SDK1: variants seen among roughly 807,000 people sequenced by gnomAD.
The protein encoded by SDK1 is protein sidekick-1.
SDK1 carries 157 observed loss-of-function variants against 245.5 expected under a neutral mutation model. The ratio of observed to expected loss-of-function variants is 0.64; its 90% CI spans 0.56 to 0.73. The LOEUF (loss-of-function observed/expected upper bound fraction) is 0.73. SDK1 is among the 30% of genes least tolerant of loss of function. SDK1 has a pLI of 0.00. For missense variants in SDK1, 3,583 were observed against 3,002.3 expected (o/e 1.19, Z -4.52); for synonymous variants, 1,647 against 1,278.5 (o/e 1.29, Z -6.15).
chr7:3,621,201 A>T (rs1326100799), intron 2 of SDK1, among the ~76,000 whole-genome samples: 1 of 152,308 alleles, frequency 6.6e-6, no homozygotes, highest in East Asian at 1.9e-4. Flanking sequence ...GAAGGGGTGT[A>T]AGAAAGCAGA....
chr7:3,763,460 A>ACATCTT (rs1255946567), intron 4 of SDK1, among the ~76,000 whole-genome samples: 15 of 152,158 alleles, frequency 9.9e-5, no homozygotes, highest in Non-Finnish European at 2.2e-4. Context: ...TCGCATCTAT[A>ACATCTT]CATCTTCATG....
At chr7:4,092,729 G>A (rs1023804192) in intron 22 of SDK1, among the ~76,000 whole-genome samples, 1 of 152,118 alleles carries the variant, frequency 6.6e-6, no homozygotes, top group Non-Finnish European at 1.5e-5. Flanking sequence ...AGGTCTGCTG[G>A]GGCGCCGGGA....
In SDK1 at chr7:4,052,178, C is replaced by G. The variant is rs966447210; in HGVS notation, c.2911+348C>G. 4.9e-3 allele frequency among the ~76,000 whole-genome samples: 690 copies of G among 139,688 alleles called. 9 individuals carry two copies. The highest frequency in any genetic ancestry group is 6.5e-3 in the South Asian group (26 of 3,974). The allele number at this position is 139,688 out of a possible 152,430, so 91.6% of individuals were successfully genotyped here. On this transcript the variant is annotated intron_variant, in intron 19 of 44. Transcript: ENST00000404826. Reference sequence around the variant, plus strand: ...CACCTGCTTCCATGATCCCCCCCCCCCCGACGTCCCCCAGCCCATTCTTTC... The same window carrying G: ...CACCTGCTTCCATGATCCCCCCCCCGCCGACGTCCCCCAGCCCATTCTTTC...
In SDK1 at chr7:3,641,979, C is replaced by T. The variant is rs755048901; in HGVS notation, c.587C>T (p.Thr196Met). The T allele has an allele frequency of 1.6e-5, 26 of 1,613,370 alleles. No individual in the cohort carries two copies. Among genetic ancestry groups the T allele is most frequent in the African/African-American group, 1.5e-4 (11 of 75,036 alleles). Residue 196 changes from threonine to methionine, a missense_variant, in exon 4 of 45, where the codon ACG becomes ATG. Transcript: ENST00000404826. ...QVAYMGSFMD[T>M]DQRKTVSQGR... is the part of the protein sequence containing the mutation. ...GCAGATATGGGAAGTTTCATGGATA[C>T]GGACCAGAGGAAAACAGTTTCTCAA... is the stretch of plus-strand genomic sequence containing the variant.
At chr7:4,232,299 G>A (rs115893735) in intron 40 of SDK1, among the ~76,000 whole-genome samples, 1,967 of 150,154 alleles carry the variant, frequency 0.013, 40 homozygotes, top group African/African-American at 0.045. Context: ...CAAAGAGGCT[G>A]TCTAGCTCCA....
At chr7:3,503,404 G>T (rs1782279466) in intron 1 of SDK1, among the ~76,000 whole-genome samples, 1 of 152,168 alleles carries the variant, frequency 6.6e-6, no homozygotes, top group African/African-American at 2.4e-5. Context: ...TTCAGGTGGG[G>T]TGTGGTGGCT....
chr7:3,877,737 CG>C (rs1339685752), intron 5 of SDK1, among the ~76,000 whole-genome samples: 6 of 152,110 alleles, frequency 3.9e-5, no homozygotes, highest in Admixed American at 2.6e-4. Flanking sequence ...TCGTATAAGA[CG>C]GGGTATCATC....
chr7:3,528,907 T>C (rs2128617383), intron 1 of SDK1, among the ~76,000 whole-genome samples: 1 of 152,164 alleles, frequency 6.6e-6, no homozygotes, highest in Admixed American at 6.5e-5. Context: ...TCCCCTTGCT[T>C]TTGAGGTATT....
chr7:3,523,150 T>C (rs541080840), intron 1 of SDK1, among the ~76,000 whole-genome samples: 1 of 152,324 alleles, frequency 6.6e-6, no homozygotes, highest in African/African-American at 2.4e-5. Context: ...TTGACAAAGC[T>C]TGAAGGAGCA....
At chr7:4,213,597 C>A (rs543193372) in intron 38 of SDK1, among the ~76,000 whole-genome samples, 13 of 149,954 alleles carry the variant, frequency 8.7e-5, no homozygotes, top group East Asian at 7.8e-4. Flanking sequence ...AAAAAAAAAA[C>A]CAGTACTTCA....
In SDK1 at chr7:3,987,303, C is replaced by T. The variant is rs762707264; in HGVS notation, c.2112C>T (p.Ile704=). The change falls in exon 14 of 45, where the codon ATC becomes ATT. Residue 704 remains isoleucine, a synonymous_variant. Coordinates refer to ENST00000404826, the MANE Select transcript of SDK1 (RefSeq NM_152744.4). ...GAAACAGTCCTATTCTTTATTACATCGTGGAGCTCTCTGAAAACAGTAAGT... is the reference window on the plus strand; with the variant it reads ...GAAACAGTCCTATTCTTTATTACATTGTGGAGCTCTCTGAAAACAGTAAGT... ...FDGNSPILYY[I]VELSENNSPW... is the part of the protein sequence containing the mutation. 8.1e-6 allele frequency: 13 copies of T among 1,613,924 alleles called. No individual in the cohort carries two copies. The highest frequency in any genetic ancestry group is 2.2e-5 in the South Asian group (2 of 91,044).
rs138567819 is a variant in SDK1 at position 3,520,346 on chromosome 7, A to G, written c.299-98734A>G. On this transcript the variant is annotated intron_variant, in intron 1 of 44. Transcript: ENST00000404826. Reference sequence around the variant, plus strand: ...CAACCTAGGTAAGAACATCCTGTGCAGCTCTCTGTTTGCTCTATTGAGTCC... The same window carrying G: ...CAACCTAGGTAAGAACATCCTGTGCGGCTCTCTGTTTGCTCTATTGAGTCC... Among the ~76,000 whole-genome samples the G allele has an allele frequency of 4.8e-3, 729 of 152,286 alleles. 3 individuals are homozygous for G. The highest frequency in any genetic ancestry group is 9.7e-3 in the Admixed American group (148 of 15,282).
chr7:3,424,616 G>A (rs1249852839), intron 1 of SDK1, among the ~76,000 whole-genome samples: 2 of 152,102 alleles, frequency 1.3e-5, no homozygotes, highest in Admixed American at 6.6e-5. Context: ...CAAAAATACC[G>A]GCTAGGCACA....
chr7:3,907,146 G>C (rs981873073), intron 5 of SDK1, among the ~76,000 whole-genome samples: 2 of 152,012 alleles, frequency 1.3e-5, no homozygotes, highest in African/African-American at 4.8e-5. Context: ...GTCTCTATCT[G>C]TAAAACTTAA....
At chr7:3,527,712 A>G (rs1430308839) in intron 1 of SDK1, among the ~76,000 whole-genome samples, 7 of 120,210 alleles carry the variant, frequency 5.8e-5, no homozygotes, top group African/African-American at 9.7e-5. Context: ...ATGATAGCCA[A>G]CTAGGGGGTG....
intron 4 of SDK1, among the ~76,000 whole-genome samples, chr7:3,756,189 C>G (rs899127944): frequency 6.7e-6 from 1 of 149,364 alleles, no homozygotes; most frequent in Non-Finnish European, 1.5e-5. Flanking sequence ...GAACCTGACT[C>G]CTTTCACATG....
At chr7:3,410,458 C>T (rs373269359) in intron 1 of SDK1, among the ~76,000 whole-genome samples, 3 of 151,646 alleles carry the variant, frequency 2.0e-5, no homozygotes, top group Admixed American at 6.6e-5. Context: ...TGGTTTGAGA[C>T]GTTTTGGACA....
At chr7:3,848,509 G>T (rs1780336807) in intron 5 of SDK1, among the ~76,000 whole-genome samples, 1 of 152,134 alleles carries the variant, frequency 6.6e-6, no homozygotes, top group Non-Finnish European at 1.5e-5. Flanking sequence ...GCAGCTTTCA[G>T]AAGGAGGACG....
chr7:3,433,446 AG>A (rs1188415117), intron 1 of SDK1, among the ~76,000 whole-genome samples: 1 of 152,150 alleles, frequency 6.6e-6, no homozygotes, highest in Non-Finnish European at 1.5e-5. Flanking sequence ...GAGGTAAGGA[AG>A]GTTCCTGGAT....
Sources: gnomAD v4.1 joint callset for allele counts (sites outside exome capture counted in the v4.1 genomes callset) on GRCh38, gnomAD v4.1.1 for gene constraint, MANE v1.5 for transcripts, NCBI Gene and HGNC (gene_info 2026-07-23, HGNC 2026-07-21) for gene names.